SPATS2: variants seen among roughly 807,000 people sequenced by gnomAD.
The protein encoded by SPATS2 is spermatogenesis associated serine rich 2, also known as spermatogenesis-associated serine-rich protein 2.
SPATS2 carries 38 observed loss-of-function variants against 63.7 expected under a neutral mutation model. The ratio of observed to expected loss-of-function variants is 0.60; its 90% CI spans 0.46 to 0.78. SPATS2 has a LOEUF of 0.78. Among genes scored for constraint, SPATS2 ranks in the 30% least tolerant of loss-of-function variants. The pLI, the probability that SPATS2 is intolerant of heterozygous loss-of-function variation, is 0.00. For synonymous variants in SPATS2, 207 were observed against 232.9 expected (o/e 0.89, Z 1.01); for missense variants, 588 against 666.2 (o/e 0.88, Z 1.29).
At chr12:49,404,765 A>G (rs74643773) in intron 2 of SPATS2, among the ~76,000 whole-genome samples, 1,801 of 152,308 alleles carry the variant, frequency 0.012, 24 homozygotes, top group Middle Eastern at 0.031. Flanking sequence ...TTCATCCCCA[A>G]CATTCCTATG....
At chr12:49,503,280 G>A (rs1284332392) in intron 9 of SPATS2, among the ~76,000 whole-genome samples, 1 of 151,856 alleles carries the variant, frequency 6.6e-6, no homozygotes, top group African/African-American at 2.4e-5. Flanking sequence ...AACCCAGGAG[G>A]TGGAGGTTGC....
chr12:49,426,189 C>A (rs1052334415), intron 2 of SPATS2, among the ~76,000 whole-genome samples: 2 of 150,828 alleles, frequency 1.3e-5, no homozygotes, highest in African/African-American at 4.9e-5. Context: ...TAGTTTTTTT[C>A]TTTGTTTTTG....
intron 6 of SPATS2, among the ~76,000 whole-genome samples, chr12:49,491,672 C>T (rs1189799960): frequency 3.3e-5 from 5 of 152,170 alleles, no homozygotes. Flanking sequence ...GGCATTGTGA[C>T]TGATATTGCT....
intron 9 of SPATS2, among the ~76,000 whole-genome samples, chr12:49,502,728 A>C (rs1946585826): frequency 6.6e-6 from 1 of 152,026 alleles, no homozygotes. Context: ...AAGTGCTGGG[A>C]TTACAGCCAT....
At chr12:49,379,285 C>T (rs563335555) in intron 2 of SPATS2, among the ~76,000 whole-genome samples, 9 of 150,870 alleles carry the variant, frequency 6.0e-5, no homozygotes, top group Non-Finnish European at 7.4e-5. Context: ...TAGTGGCTCA[C>T]GCCTGTAATC....
chr12:49,384,235 G>A (rs1320684304), intron 2 of SPATS2, among the ~76,000 whole-genome samples: 1 of 152,076 alleles, frequency 6.6e-6, no homozygotes, highest in African/African-American at 2.4e-5. Context: ...CAAAGTGCTG[G>A]GATTACGGCA....
At chr12:49,430,256 C>A (rs1347967684) in intron 2 of SPATS2, among the ~76,000 whole-genome samples, 2 of 150,032 alleles carry the variant, frequency 1.3e-5, no homozygotes. Flanking sequence ...CGCCACCGTG[C>A]CTGGCTAATT....
At chr12:49,461,188 C>G (rs11169028) in intron 3 of SPATS2, 151 bp downstream of exon 3, 2 of 772,262 alleles carry the variant, frequency 2.6e-6, no homozygotes, top group Non-Finnish European at 4.1e-6. Context: ...TATTACTAGT[C>G]TGGGAATTAA....
chr12:49,493,697 C>T (rs1946421268), intron 6 of SPATS2, among the ~76,000 whole-genome samples: 1 of 152,162 alleles, frequency 6.6e-6, no homozygotes, highest in African/African-American at 2.4e-5. Flanking sequence ...GCCACTGCAC[C>T]CACCCAATAC....
intron 2 of SPATS2, among the ~76,000 whole-genome samples, chr12:49,375,151 T>A (rs1439460829): frequency 3.8e-5 from 2 of 52,746 alleles, no homozygotes; most frequent in South Asian, 4.6e-4. Flanking sequence ...AGTGTGTGTG[T>A]GTGTGTGTGT....
At chr12:49,503,750 T>A (rs539874473) in intron 9 of SPATS2, among the ~76,000 whole-genome samples, 110 of 152,318 alleles carry the variant, frequency 7.2e-4, no homozygotes, top group Non-Finnish European at 7.3e-4. Flanking sequence ...ACTGATTACT[T>A]AGTCACAGGA....
intron 3 of SPATS2, among the ~76,000 whole-genome samples, chr12:49,475,267 A>G (rs944602967): frequency 6.6e-6 from 1 of 152,274 alleles, no homozygotes; most frequent in Non-Finnish European, 1.5e-5. Context: ...AGGTAAAACT[A>G]AACCATAATA....
In SPATS2 at chr12:49,478,712, A is replaced by G. The variant is rs377599302; in HGVS notation, c.26-5878A>G. 5.1e-4 allele frequency among the ~76,000 whole-genome samples: 77 copies of G among 152,250 alleles called. No individual in the cohort carries two copies. In the South Asian group the frequency reaches 0.012, roughly 24 times the overall value. On this transcript the variant is annotated intron_variant, in intron 3 of 13. Transcript: ENST00000552918. ...TTATCTAGACTTCTGGGCTTTACCT[A>G]TATTTAACTGGATCTTACCTCTTCT... is the stretch of plus-strand genomic sequence containing the variant.
chr12:49,469,514 C>G (rs1157645763), intron 3 of SPATS2: 1 of 407,192 alleles, frequency 2.5e-6, no homozygotes, highest in Non-Finnish European at 4.7e-6. Flanking sequence ...GAGCTGTGAT[C>G]CTGTCACTGC....
At chr12:49,385,823 T>TG (rs199502655) in intron 2 of SPATS2, among the ~76,000 whole-genome samples, 3 of 145,450 alleles carry the variant, frequency 2.1e-5, no homozygotes, top group African/African-American at 8.0e-5. Context: ...TACAATTTTG[T>TG]GGGGTTTTTT....
At chr12:49,398,149 A>G (rs1245454855) in intron 2 of SPATS2, among the ~76,000 whole-genome samples, 6 of 150,692 alleles carry the variant, frequency 4.0e-5, no homozygotes, top group Admixed American at 6.6e-5. Context: ...AAAAAAAAAA[A>G]AAAAAAAAAA....
chr12:49,436,360 CCCT>C (rs1242728139), intron 2 of SPATS2, among the ~76,000 whole-genome samples: 1 of 144,978 alleles, frequency 6.9e-6, no homozygotes, highest in Non-Finnish European at 1.5e-5. Context: ...GCAGAGGCGC[CCCT>C]CATCTCCCGG....
chr12:49,402,347 AG>A (rs1475476959), intron 2 of SPATS2, among the ~76,000 whole-genome samples: 1 of 152,186 alleles, frequency 6.6e-6, no homozygotes, highest in Non-Finnish European at 1.5e-5. Context: ...TGAGGATGTA[AG>A]AGGGGAATGG....
intron 3 of SPATS2, among the ~76,000 whole-genome samples, chr12:49,461,641 A>G (rs759004190): frequency 6.6e-6 from 1 of 152,246 alleles, no homozygotes. Context: ...AAGAATGATC[A>G]TAGATATCTT....
Sources: allele counts gnomAD v4.1 joint callset (sites outside exome capture counted in the v4.1 genomes callset), GRCh38; gene constraint gnomAD v4.1.1; transcripts MANE v1.5; gene names NCBI Gene and HGNC (gene_info 2026-07-23, HGNC 2026-07-21).